IFT74: variants seen among roughly 807,000 people sequenced by gnomAD.
The protein encoded by IFT74 is intraflagellar transport protein 74 homolog.
IFT74 carries 92 observed loss-of-function variants against 96.7 expected under a neutral mutation model. The observed-to-expected ratio is 0.95, with a 90% CI of 0.80 to 1.13. The LOEUF is 1.13. IFT74 is among the 50% of genes most tolerant of loss of function. The probability of loss-of-function intolerance (pLI) is 0.00; values close to 1 mark genes in which losing one functional copy is unlikely to be tolerated. For missense variants in IFT74, 811 were observed against 698.2 expected, an observed-to-expected ratio of 1.16 and a Z score of -1.82; for synonymous variants, 223 against 213.2, an observed-to-expected ratio of 1.05 and a Z score of -0.40.
intron 2 of IFT74, among the ~76,000 whole-genome samples, chr9:26,971,181 A>G (rs1826860879): frequency 6.6e-6 from 1 of 152,252 alleles, no homozygotes; most frequent in South Asian, 2.1e-4. Context: ...ACTATTATCA[A>G]TAAATACTTC....
chr9:27,033,529 A>T (rs1038286975), intron 13 of IFT74, among the ~76,000 whole-genome samples: 1 of 148,448 alleles, frequency 6.7e-6, no homozygotes, highest in African/African-American at 2.5e-5. Flanking sequence ...AACCAAAATC[A>T]TGCCACTGCA....
intron 12 of IFT74, among the ~76,000 whole-genome samples, chr9:27,025,684 C>T (rs930319275): frequency 6.6e-6 from 1 of 152,020 alleles, no homozygotes; most frequent in African/African-American, 2.4e-5. Flanking sequence ...GGAGTCCTAC[C>T]TTTAGACTCC....
In IFT74 at chr9:27,041,596, A is replaced by C. The variant is rs1819482084; in HGVS notation, c.1055-3146A>C. 2.0e-5 allele frequency among the ~76,000 whole-genome samples: 3 copies of C among 152,010 alleles called. No homozygotes were observed. In the South Asian group the frequency reaches 6.3e-4, roughly 32 times the overall value. ...CTCTCCCTTGGTCTCCTCATTGTTG[A>C]TTCTACTACATTAGACCCTTCTGCT... On this transcript the variant is annotated intron_variant, in intron 13 of 19. Transcript: ENST00000380062.
chr9:27,049,550 T>C (rs1265206748), intron 16 of IFT74, among the ~76,000 whole-genome samples: 1 of 152,178 alleles, frequency 6.6e-6, no homozygotes, highest in Non-Finnish European at 1.5e-5. Flanking sequence ...AGGCAGAGGT[T>C]GAGGCCTAGT....
chr9:27,052,211 A>T (rs897369189), intron 16 of IFT74, among the ~76,000 whole-genome samples: 10 of 152,220 alleles, frequency 6.6e-5, no homozygotes, highest in Non-Finnish European at 1.5e-4. Flanking sequence ...AATTCCTTTT[A>T]ACAACTAGTC....
intron 8 of IFT74, chr9:26,995,818 A>G: frequency 6.2e-7 from 1 of 1,605,766 alleles, no homozygotes; most frequent in Non-Finnish European, 8.5e-7. Context: ...CACCAACAAG[A>G]AAAGCCCAAC....
chr9:27,023,596 G>A lies in IFT74; in HGVS notation c.974+4909G>A, dbSNP rs537184778. ...AGGATTTTTGCCTCTAAGTTCATTA[G>A]GGATGTTGGTCCATAGTTTTCTTTT... On this transcript the variant is annotated intron_variant, in intron 12 of 19. Transcript: ENST00000380062. Among the ~76,000 whole-genome samples, 113 of 152,192 alleles carry A rather than the reference G, an allele frequency of 7.4e-4. 1 individual carries two copies. In the South Asian group the frequency reaches 9.8e-3, roughly 13 times the overall value.
At chr9:27,054,730 A>G (rs1230980494) in intron 16 of IFT74, among the ~76,000 whole-genome samples, 1 of 152,182 alleles carries the variant, frequency 6.6e-6, no homozygotes, top group Non-Finnish European at 1.5e-5. Context: ...CACATTGCCA[A>G]CAGAAGTTGA....
chr9:27,063,684 AAAC>A lies in IFT74; in HGVS notation c.*953_*955del, dbSNP rs1276113353. ...GTAACTCTACTTTTCAGTATTTCTGAAACAACACATTGATTTCTTAAACCAAAA... is the reference window on the plus strand; with the variant it reads ...GTAACTCTACTTTTCAGTATTTCTGAAACACATTGATTTCTTAAACCAAAA... On this transcript the variant is annotated 3_prime_UTR_variant, in exon 20 of 20. Coordinates refer to ENST00000380062, the MANE Select transcript of IFT74 (RefSeq NM_025103.4). Among the ~76,000 whole-genome samples, 1 of 152,148 alleles carries A rather than the reference AAAC, an allele frequency of 6.6e-6. No homozygotes were observed. Among genetic ancestry groups the A allele is most frequent in the Non-Finnish European group, 1.5e-5 (1 of 67,978 alleles).
At chr9:26,983,486 G>C (rs550000657) in intron 4 of IFT74, among the ~76,000 whole-genome samples, 1 of 152,268 alleles carries the variant, frequency 6.6e-6, no homozygotes, top group African/African-American at 2.4e-5. Context: ...AAGTGCTACT[G>C]ATACTCAGAT....
At position 27,055,632 on chromosome 9, in the gene IFT74, C is replaced by A. The variant is rs201631629; in HGVS notation, c.1357C>A (p.Leu453Met). The A allele has an allele frequency of 1.9e-5, 30 of 1,579,740 alleles. No individual in the cohort carries two copies. Among genetic ancestry groups the A allele is most frequent in the Middle Eastern group, 3.3e-4 (2 of 5,982 alleles). Residue 453 changes from leucine to methionine, a missense_variant, in exon 17 of 20, where the codon CTG becomes ATG. Coordinates refer to ENST00000380062, the MANE Select transcript of IFT74 (RefSeq NM_025103.4). ...AGACATTCAACGTCTGCAGTTGGAT[C>A]TGCAGAAAATGGAGCTTCTAGAAAG... The part of the protein sequence containing the change: ...TSDIQRLQLD[L>M]QKMELLESKM...
intron 13 of IFT74, among the ~76,000 whole-genome samples, chr9:27,041,068 CCA>C (rs147259000): frequency 0.027 from 4,065 of 152,174 alleles, 61 homozygotes; most frequent in Non-Finnish European, 0.039. Context: ...TACAGTAGCC[CCA>C]GTCTTTTGTT....
chr9:27,061,574 C>T (rs1338069885), intron 19 of IFT74, among the ~76,000 whole-genome samples: 1 of 151,522 alleles, frequency 6.6e-6, no homozygotes, highest in East Asian at 1.9e-4. Flanking sequence ...TGCTCTCGGC[C>T]CCAGAATTGT....
intron 18 of IFT74, 56 bp from the exon 19 acceptor site, chr9:27,060,535 G>T: frequency 9.0e-7 from 1 of 1,106,972 alleles, no homozygotes; most frequent in South Asian, 1.5e-5. Flanking sequence ...TCTTAGAAAG[G>T]CATTTAATTG....
At chr9:26,976,690 AG>A in intron 2 of IFT74, 1 of 449,278 alleles carries the variant, frequency 2.2e-6, no homozygotes, top group Non-Finnish European at 4.4e-6. Flanking sequence ...GAAGAAAGGC[AG>A]GGGGTACCTG....
At position 26,962,071 on chromosome 9, in the gene IFT74, T is replaced by G; in HGVS notation, c.104T>G (p.Ile35Ser). 6.2e-7 allele frequency: 1 copy of G among 1,614,132 alleles called. No individual in the cohort carries two copies. The highest frequency in any genetic ancestry group is 1.7e-5 in the Admixed American group (1 of 60,024). The change falls in exon 2 of 20, where the codon ATT (isoleucine) becomes AGT (serine). Residue 35 changes from isoleucine to serine, a missense_variant. Ile to Ser is a moderately radical substitution (Grantham distance 142). Transcript: ENST00000380062. ...PSGIRPLSGN[I>S]RVATAMPPGT... Reference sequence around the variant, plus strand: ...GGGATACGACCCCTATCAGGAAATATTCGAGTGGCAACTGCAGTAAGTTTG... The same window carrying G: ...GGGATACGACCCCTATCAGGAAATAGTCGAGTGGCAACTGCAGTAAGTTTG...
At chr9:26,997,906 A>G (rs1457857861) in intron 8 of IFT74, 8 of 1,614,040 alleles carry the variant, frequency 5.0e-6, no homozygotes, top group Non-Finnish European at 5.9e-6. Flanking sequence ...GCACAAATAC[A>G]TCAGCATTCA....
intron 12 of IFT74, among the ~76,000 whole-genome samples, chr9:27,028,584 C>G (rs892927965): frequency 6.6e-6 from 1 of 151,952 alleles, no homozygotes; most frequent in Non-Finnish European, 1.5e-5. Flanking sequence ...GGTGAAACCC[C>G]GTCTCTACTA....
rs1564014899 is a variant in IFT74, at chr9:27,065,427, A to C, written c.*2691A>C. On this transcript the variant is annotated 3_prime_UTR_variant, in exon 20 of 20. Transcript: ENST00000380062. ...AAATAACACCTTGTAAGTCACATGG[A>C]AAGAAGCTGCAGACTGAACAAACAT... Among the ~76,000 whole-genome samples, 1 of 152,208 alleles carries C rather than the reference A, an allele frequency of 6.6e-6. No individual in the cohort carries two copies. The highest frequency in any genetic ancestry group is 2.1e-4 in the South Asian group (1 of 4,830).
Sources: gnomAD v4.1 joint callset for allele counts (sites outside exome capture counted in the v4.1 genomes callset) on GRCh38, gnomAD v4.1.1 for gene constraint, MANE v1.5 for transcripts, NCBI Gene and HGNC (gene_info 2026-07-23, HGNC 2026-07-21) for gene names.